Variants in ADSS2 observed in about 807,000 individuals in gnomAD.
ADSS2 encodes the protein adenylosuccinate synthetase isozyme 2.
In ADSS2, 30 loss-of-function variants were observed where a neutral mutation model predicts 60.0. The ratio of observed to expected loss-of-function variants is 0.50; its 90% confidence interval spans 0.37 to 0.68. The LOEUF (loss-of-function observed/expected upper bound fraction) is 0.68, where lower values mean the gene tolerates loss of function less well. Among genes scored for constraint, ADSS2 ranks in the 30% least tolerant of loss-of-function variants. The pLI is 0.00. For missense variants in ADSS2, 373 were observed against 554.8 expected (o/e 0.67, Z 3.29); for synonymous variants, 187 against 193.1 (o/e 0.97, Z 0.26).
intron 1 of ADSS2, among the ~76,000 whole-genome samples, chr1:244,446,754 C>T (rs1447511999): frequency 6.6e-6 from 1 of 152,072 alleles, no homozygotes; most frequent in African/African-American, 2.4e-5. Flanking sequence ...CATAAGACAT[C>T]CAACCAAAAA....
At chr1:244,424,221 T>C in intron 5 of ADSS2, 100 bp downstream of exon 5, 1 of 1,283,970 alleles carries the variant, frequency 7.8e-7, no homozygotes. Flanking sequence ...TAAAACAGGA[T>C]ATTCTAATAC....
In ADSS2 at chr1:244,417,735, T is replaced by C; in HGVS notation, c.963A>G (p.Leu321=). Reference sequence around the variant, plus strand: ...CACCAAACTCTCTACCCCTTGTTTGTAATAATTCTCCAATTTCCTACAGAA... The same window carrying C: ...CACCAAACTCTCTACCCCTTGTTTGCAATAATTCTCCAATTTCCTACAGAA... ...TEQDNEIGEL[L]QTRGREFGVT... Residue 321 remains leucine (L), a synonymous_variant, in exon 10 of 13, where the codon TTA becomes TTG. Coordinates refer to ENST00000366535, the MANE Select transcript of ADSS2 (RefSeq NM_001126.5). 5 of 1,613,580 alleles carry C rather than the reference T, an allele frequency of 3.1e-6. No individual in the cohort carries two copies. Among genetic ancestry groups the C allele is most frequent in the Non-Finnish European group, 4.2e-6 (5 of 1,179,662 alleles).
intron 4 of ADSS2, among the ~76,000 whole-genome samples, chr1:244,428,865 A>G (rs1664867472): frequency 6.6e-6 from 1 of 152,192 alleles, no homozygotes; most frequent in East Asian, 1.9e-4. Context: ...CCCGATATCT[A>G]TTAAAGAAAT....
chr1:244,409,765 T>C, intron 12 of ADSS2, 127 bp from the exon 13 acceptor site: 1 of 708,824 alleles, frequency 1.4e-6, no homozygotes, highest in African/African-American at 1.8e-5. Context: ...GCCTTTTTGC[T>C]GTTCTCTATT....
intron 9 of ADSS2, 69 bp downstream of exon 9, chr1:244,418,691 A>C: frequency 7.0e-7 from 1 of 1,430,858 alleles, no homozygotes; most frequent in South Asian, 1.5e-5. Flanking sequence ...AGGAGACAAT[A>C]ATTCATTAAG....
At chr1:244,435,197 A>C (rs12754667) in intron 3 of ADSS2, among the ~76,000 whole-genome samples, 2 of 128,116 alleles carry the variant, frequency 1.6e-5, no homozygotes, top group African/African-American at 2.8e-5. Flanking sequence ...AAAAAAAAAA[A>C]CAAACCTGAA....
chr1:244,430,914 G>A (rs1664926410), intron 4 of ADSS2, among the ~76,000 whole-genome samples: 2 of 152,150 alleles, frequency 1.3e-5, no homozygotes, highest in African/African-American at 4.8e-5. Context: ...CTAAGGTCAG[G>A]AGTTCAAGAC....
chr1:244,446,404 C>T (rs1248796618), intron 1 of ADSS2, among the ~76,000 whole-genome samples: 1 of 152,182 alleles, frequency 6.6e-6, no homozygotes, highest in Admixed American at 6.5e-5. Flanking sequence ...AGTAACCAGA[C>T]ACACTAGACA....
intron 7 of ADSS2, among the ~76,000 whole-genome samples, chr1:244,422,165 G>C (rs12087569): frequency 0.12 from 17,940 of 152,034 alleles, 1,333 homozygotes; most frequent in African/African-American, 0.18. Context: ...TGGCATATGA[G>C]GTTTGTAGAT....
chr1:244,446,011 A>C (rs1457479820), intron 1 of ADSS2, among the ~76,000 whole-genome samples: 2 of 152,250 alleles, frequency 1.3e-5, no homozygotes, highest in African/African-American at 4.8e-5. Flanking sequence ...AACATCAGGA[A>C]GTCAGTGGCC....
intron 8 of ADSS2, chr1:244,419,248 G>A (rs1664620209): frequency 5.7e-6 from 1 of 175,176 alleles, no homozygotes; most frequent in Admixed American, 6.2e-5. Context: ...ATAGTTTCCT[G>A]TTAGTGTAAA....
intron 1 of ADSS2, among the ~76,000 whole-genome samples, chr1:244,439,288 T>C (rs1389935858): frequency 6.6e-6 from 1 of 152,224 alleles, no homozygotes; most frequent in African/African-American, 2.4e-5. Flanking sequence ...ATATATGCCA[T>C]ACATTAGTCT....
intron 12 of ADSS2, 128 bp from the exon 13 acceptor site, chr1:244,409,766 G>A (rs1664370942): frequency 1.4e-6 from 1 of 706,422 alleles, no homozygotes; most frequent in African/African-American, 1.8e-5. Flanking sequence ...CCTTTTTGCT[G>A]TTCTCTATTC....
intron 4 of ADSS2, among the ~76,000 whole-genome samples, chr1:244,430,243 G>A (rs1664907632): frequency 6.6e-6 from 1 of 151,966 alleles, no homozygotes; most frequent in Non-Finnish European, 1.5e-5. Flanking sequence ...GTTTTGTTTT[G>A]GTGGTCTAAA....
At chr1:244,448,100 A>G (rs1665440196) in intron 1 of ADSS2, among the ~76,000 whole-genome samples, 1 of 152,230 alleles carries the variant, frequency 6.6e-6, no homozygotes, top group Non-Finnish European at 1.5e-5. Context: ...AGCAATTGTT[A>G]TAAACCTGGA....
intron 9 of ADSS2, among the ~76,000 whole-genome samples, chr1:244,418,275 T>TA (rs1173388171): frequency 6.6e-6 from 1 of 152,200 alleles, no homozygotes; most frequent in Non-Finnish European, 1.5e-5. Context: ...CATTATCTCT[T>TA]ATATTCTGGC....
At chr1:244,417,829 C>T in intron 9 of ADSS2, 77 bp from the exon 10 acceptor site, 2 of 1,345,746 alleles carry the variant, frequency 1.5e-6, no homozygotes, top group Non-Finnish European at 2.0e-6. Context: ...TGCTAGAGAT[C>T]ATAGCAAAGC....
chr1:244,437,811 CT>C lies in ADSS2; in HGVS notation c.184-44del. ...GGAAAATTGAGCCTGATGATAAATA[CT>C]ACAAATAACCTATCTCCCTCCAAAG... On this transcript the variant is annotated intron_variant, in intron 1 of 12. Transcript: ENST00000366535. 2.2e-6 allele frequency: 3 copies of C among 1,374,584 alleles called. No individual in the cohort carries two copies. The South Asian group carries it at 3.5e-5, about 16-fold the overall frequency. The allele number at this position is 1,374,584 out of a possible 1,614,324, so 85.1% of individuals were successfully genotyped here. A position where few individuals can be genotyped will look rare whatever the true frequency, so the allele number is the denominator to read the frequency against.
rs1037914693 is a variant in ADSS2 at position 244,424,708 on chromosome 1, A to C, written c.407-321T>G. ...ATACTCTTTTTTCTTCAAGTTCTGG[A>C]CTCCAAGAATCTAGGGCTCATGTTG... On this transcript the variant is annotated intron_variant, in intron 4 of 12. Coordinates refer to ENST00000366535, the MANE Select transcript of ADSS2 (RefSeq NM_001126.5). The C allele has an allele frequency of 1.3e-5, 3 of 227,504 alleles. No homozygotes were observed. The South Asian group carries it at 1.8e-4, about 13-fold the overall frequency. The allele number at this position is 227,504 out of a possible 1,614,324, so 14.1% of individuals were successfully genotyped here.
Sources: gnomAD v4.1 joint callset for allele counts (sites outside exome capture counted in the v4.1 genomes callset) on GRCh38, gnomAD v4.1.1 for gene constraint, MANE v1.5 for transcripts, NCBI Gene and HGNC (gene_info 2026-07-23, HGNC 2026-07-21) for gene names.